KCMF1: variants seen among roughly 807,000 people sequenced by gnomAD.
KCMF1 encodes potassium channel modulatory factor 1, also known as E3 ubiquitin-protein ligase KCMF1.
Under a neutral mutation model 41.1 loss-of-function variants are expected in KCMF1, and 3 were observed. The observed-to-expected ratio is 0.07, with a 90% confidence interval of 0.03 to 0.19. The LOEUF is 0.19. Among genes scored for constraint, KCMF1 ranks in the 10% least tolerant of loss-of-function variants. The probability of loss-of-function intolerance (pLI) is 1.00; values close to 1 mark genes in which losing one functional copy is unlikely to be tolerated. For missense variants in KCMF1, 286 were observed against 488.9 expected (o/e 0.58, Z 3.91); for synonymous variants, 142 against 164.5 (o/e 0.86, Z 1.04).
intron 3 of KCMF1, among the ~76,000 whole-genome samples, chr2:85,035,458 C>T (rs896214166): frequency 6.6e-6 from 1 of 152,184 alleles, no homozygotes; most frequent in South Asian, 2.1e-4. Flanking sequence ...AGGATGGCAA[C>T]CTGCAGTGCA....
intron 1 of KCMF1, among the ~76,000 whole-genome samples, chr2:85,003,540 T>C (rs191018334): frequency 2.9e-4 from 44 of 152,220 alleles, no homozygotes; most frequent in African/African-American, 9.6e-4. Context: ...TGTTCTGTCA[T>C]CTAGTATTTT....
intron 1 of KCMF1, among the ~76,000 whole-genome samples, chr2:85,008,291 T>TATATATAATATATAATATATATATATA (rs1278421092): frequency 6.8e-5 from 1 of 14,624 alleles, no homozygotes; most frequent in African/African-American, 1.5e-4. Context: ...TGATATATAA[T>TATATATAATATATAATATATATATATA]ATATATAATA....
At chr2:84,976,929 T>G (rs145550904) in intron 1 of KCMF1, among the ~76,000 whole-genome samples, 1 of 152,166 alleles carries the variant, frequency 6.6e-6, no homozygotes, top group Non-Finnish European at 1.5e-5. Flanking sequence ...TTTTGAAATA[T>G]GTATACATTG....
intron 4 of KCMF1, 38 bp downstream of exon 4, chr2:85,043,703 G>C (rs750068570): frequency 7.3e-7 from 1 of 1,362,544 alleles, no homozygotes; most frequent in South Asian, 1.2e-5. Context: ...AGAGTTGTTT[G>C]TAATGTTTGT....
intron 3 of KCMF1, among the ~76,000 whole-genome samples, chr2:85,038,128 T>C (rs1463929047): frequency 2.6e-5 from 4 of 152,240 alleles, no homozygotes; most frequent in African/African-American, 9.6e-5. Context: ...TGCTGCTCTT[T>C]AGAAGCCAGT....
At chr2:84,983,816 T>G (rs1013970517) in intron 1 of KCMF1, among the ~76,000 whole-genome samples, 2 of 151,852 alleles carry the variant, frequency 1.3e-5, no homozygotes, top group Non-Finnish European at 2.9e-5. Context: ...CGGCTGACTT[T>G]TGTATTTTTT....
At chr2:85,015,153 C>CA (rs34773304) in intron 1 of KCMF1, among the ~76,000 whole-genome samples, 1,299 of 47,668 alleles carry the variant, frequency 0.027, 21 homozygotes, top group Non-Finnish European at 0.039. Context: ...GACTCCATCT[C>CA]AAAAAAAAAA....
Position 84,971,401 on chromosome 2 carries a change from A to C in KCMF1, c.-51A>C. ...GGGCAGCGCCGGGACCCCGCGGGGGACACTGCAGCCGGAGCCCGGGAGGGG... is the reference window on the plus strand; with the variant it reads ...GGGCAGCGCCGGGACCCCGCGGGGGCCACTGCAGCCGGAGCCCGGGAGGGG... On this transcript the variant is annotated 5_prime_UTR_variant, in exon 1 of 7. Coordinates refer to ENST00000409785, the MANE Select transcript of KCMF1 (RefSeq NM_020122.5). The C allele has an allele frequency of 8.0e-6, 9 of 1,118,928 alleles. No individual in the cohort carries two copies. The highest frequency in any genetic ancestry group is 1.7e-5 in the African/African-American group (1 of 58,746). The allele number at this position is 1,118,928 out of a possible 1,614,324, so 69.3% of individuals were successfully genotyped here. A position where few individuals can be genotyped will look rare whatever the true frequency, so the allele number is the denominator to read the frequency against.
intron 1 of KCMF1, among the ~76,000 whole-genome samples, chr2:84,986,882 A>C (rs1043911865): frequency 3.3e-5 from 5 of 151,990 alleles, no homozygotes; most frequent in African/African-American, 1.2e-4. Context: ...ACTCCGTCTC[A>C]AAAAAAAGAA....
chr2:85,053,563 T>G lies in KCMF1; in HGVS notation c.*154T>G. On this transcript the variant is annotated 3_prime_UTR_variant, in exon 7 of 7. Transcript: ENST00000409785. ...AAAGGAAGAGAGAAAATATATATGATAATCATTTCCACTTAACTAATTTTT... is the reference window on the plus strand; with the variant it reads ...AAAGGAAGAGAGAAAATATATATGAGAATCATTTCCACTTAACTAATTTTT... The G allele has an allele frequency of 1.2e-6, 1 of 821,110 alleles. No individual in the cohort carries two copies. The highest frequency in any genetic ancestry group is 1.9e-6 in the Non-Finnish European group (1 of 537,180). The allele number at this position is 821,110 out of a possible 1,614,324, so 50.9% of individuals were successfully genotyped here.
intron 1 of KCMF1, among the ~76,000 whole-genome samples, chr2:85,009,453 T>G (rs1170044191): frequency 6.6e-6 from 1 of 152,192 alleles, no homozygotes; most frequent in Non-Finnish European, 1.5e-5. Flanking sequence ...AGTGGGACAT[T>G]GCTGTACAGA....
intron 1 of KCMF1, among the ~76,000 whole-genome samples, chr2:84,982,420 T>TTTTTTTG (rs1673787659): frequency 7.8e-6 from 1 of 128,074 alleles, no homozygotes; most frequent in African/African-American, 3.0e-5. Flanking sequence ...TTTTTTTTTT[T>TTTTTTTG]TTGAGCCAGT....
At chr2:84,997,578 C>A (rs1371202109) in intron 1 of KCMF1, among the ~76,000 whole-genome samples, 1 of 151,968 alleles carries the variant, frequency 6.6e-6, no homozygotes, top group East Asian at 1.9e-4. Flanking sequence ...GGACACAGAT[C>A]TCAGGAAGGG....
At position 85,054,046 on chromosome 2, in the gene KCMF1, G is replaced by A. The variant is rs967864552; in HGVS notation, c.*637G>A. 6.6e-6 allele frequency: 1 copy of A among 152,368 alleles called. No homozygotes were observed. The highest frequency in any genetic ancestry group is 1.5e-5 in the Non-Finnish European group (1 of 68,150). The allele number at this position is 152,368 out of a possible 1,614,324, so 9.4% of individuals were successfully genotyped here. ...CCCTGTGTGACTGTCCTGTCGCCCT[G>A]TTAGTCATCTTGCCTGTGTGGAGCT... On this transcript the variant is annotated 3_prime_UTR_variant, in exon 7 of 7. Coordinates refer to ENST00000409785, the MANE Select transcript of KCMF1 (RefSeq NM_020122.5).
chr2:85,057,836 C>T lies in KCMF1; in HGVS notation c.*4427C>T, dbSNP rs1460370952. 6.6e-6 allele frequency: 1 copy of T among 152,236 alleles called. No individual in the cohort carries two copies. Among genetic ancestry groups the T allele is most frequent in the African/African-American group, 2.4e-5 (1 of 41,462 alleles). The allele number at this position is 152,236 out of a possible 1,614,324, so 9.4% of individuals were successfully genotyped here. A position where few individuals can be genotyped will look rare whatever the true frequency, so the allele number is the denominator to read the frequency against. On this transcript the variant is annotated 3_prime_UTR_variant, in exon 7 of 7. Coordinates refer to ENST00000409785, the MANE Select transcript of KCMF1 (RefSeq NM_020122.5). ...TCAAGTTTTGAAAGACGATTCGTCT[C>T]AGAGAAGTTGATCCTGAACCTCCAC...
At chr2:84,974,658 C>CATATAT (rs71392939) in intron 1 of KCMF1, among the ~76,000 whole-genome samples, 565 of 29,330 alleles carry the variant, frequency 0.019, 20 homozygotes, top group Non-Finnish European at 0.024. Flanking sequence ...ATTTTAATTT[C>CATATAT]ATATATATAT....
At chr2:85,043,052 A>G (rs1158771333) in intron 3 of KCMF1, among the ~76,000 whole-genome samples, 1 of 152,232 alleles carries the variant, frequency 6.6e-6, no homozygotes, top group Non-Finnish European at 1.5e-5. Flanking sequence ...ATAAATTTAT[A>G]GACCACATTT....
At chr2:85,003,935 T>C (rs1374403612) in intron 1 of KCMF1, among the ~76,000 whole-genome samples, 2 of 151,934 alleles carry the variant, frequency 1.3e-5, no homozygotes, top group African/African-American at 4.8e-5. Context: ...AGGGGGGACA[T>C]TTTTCCAAGA....
At chr2:84,995,039 T>A (rs1674142415) in intron 1 of KCMF1, among the ~76,000 whole-genome samples, 2 of 151,976 alleles carry the variant, frequency 1.3e-5, no homozygotes, top group Non-Finnish European at 2.9e-5. Flanking sequence ...TTTTTTTTTT[T>A]GAGATGGAGT....
Sources: gnomAD v4.1 joint callset for allele counts (sites outside exome capture counted in the v4.1 genomes callset) on GRCh38, gnomAD v4.1.1 for gene constraint, MANE v1.5 for transcripts, NCBI Gene and HGNC (gene_info 2026-07-23, HGNC 2026-07-21) for gene names.